APOOL: variants seen among roughly 807,000 people sequenced by gnomAD.
The protein encoded by APOOL is MICOS complex subunit MIC27.
APOOL carries 12 observed loss-of-function variants against 23.1 expected under a neutral mutation model. The observed-to-expected ratio is 0.52, with a 90% CI of 0.33 to 0.84. APOOL has a LOEUF of 0.84. APOOL is among the 40% of genes least tolerant of loss of function. The probability of loss-of-function intolerance (pLI) is 0.02; values close to 1 mark genes in which losing one functional copy is unlikely to be tolerated. For missense variants in APOOL, 212 were observed against 199.6 expected, an observed-to-expected ratio of 1.06 and a Z score of -0.37; for synonymous variants, 77 against 69.9, an observed-to-expected ratio of 1.10 and a Z score of -0.51.
At chrX:85,008,426 G>A in intron 1 of APOOL, among the ~76,000 whole-genome samples, 1 of 111,344 alleles carries the variant, frequency 9.0e-6, no homozygotes, top group Admixed American at 9.6e-5. Flanking sequence ...CAGGCAGTTT[G>A]TCTTTCTCTG....
At chrX:85,044,280 A>G (rs1190809450) in intron 1 of APOOL, among the ~76,000 whole-genome samples, 1 of 109,402 alleles carries the variant, frequency 9.1e-6, no homozygotes, top group Non-Finnish European at 1.9e-5. Context: ...GTATATATAT[A>G]TATATGTATT....
intron 1 of APOOL, among the ~76,000 whole-genome samples, chrX:85,034,049 AG>A (rs1922131560): frequency 1.8e-5 from 2 of 111,254 alleles, no homozygotes; most frequent in East Asian, 2.8e-4. Context: ...TGGATGTTCC[AG>A]GACAGGTTTT....
At chrX:85,008,013 A>G (rs67248496) in intron 1 of APOOL, among the ~76,000 whole-genome samples, 4,983 of 111,655 alleles carry the variant, frequency 0.045, 244 homozygotes, top group African/African-American at 0.15. Flanking sequence ...TGCTGAATTT[A>G]TGATTTTAGC....
In APOOL at chrX:85,088,975, A is replaced by G. The variant is rs1204731128; in HGVS notation, c.*1297A>G. Reference sequence around the variant, plus strand: ...TTAACTTGGCCTCTTCCCTTGAACTATTTTTTCTCTCTCCTTCCTATAATT... The same window carrying G: ...TTAACTTGGCCTCTTCCCTTGAACTGTTTTTTCTCTCTCCTTCCTATAATT... On this transcript the variant is annotated 3_prime_UTR_variant, in exon 9 of 9. Transcript: ENST00000373173. The G allele has an allele frequency of 9.0e-6, 1 of 111,408 alleles. No homozygotes were observed. Among genetic ancestry groups the G allele is most frequent in the African/African-American group, 3.3e-5 (1 of 30,589 alleles). The allele number at this position is 111,408 out of a possible 1,213,427, so 9.2% of individuals were successfully genotyped here.
intron 8 of APOOL, among the ~76,000 whole-genome samples, chrX:85,082,321 T>C (rs1358200179): frequency 2.7e-5 from 3 of 111,686 alleles, no homozygotes; most frequent in Non-Finnish European, 5.6e-5. Flanking sequence ...CCTTTCTGTT[T>C]GTTAGTTTTC....
At chrX:85,083,610 C>G (rs923244352) in intron 8 of APOOL, among the ~76,000 whole-genome samples, 10 of 111,688 alleles carry the variant, frequency 9.0e-5, no homozygotes, top group African/African-American at 2.9e-4. Context: ...TTTATAGTGA[C>G]TAGTGTCTTT....
chrX:85,069,067 T>C (rs865920183), intron 6 of APOOL, among the ~76,000 whole-genome samples: 24 of 112,159 alleles, frequency 2.1e-4, no homozygotes, highest in African/African-American at 7.4e-4. Context: ...GAGATTAATT[T>C]TTAAATGTTC....
intron 1 of APOOL, among the ~76,000 whole-genome samples, chrX:85,022,631 C>T (rs1356872995): frequency 5.5e-5 from 3 of 55,024 alleles, no homozygotes; most frequent in African/African-American, 1.8e-4. Flanking sequence ...TAACATCATA[C>T]TCAATGGTGA....
intron 1 of APOOL, among the ~76,000 whole-genome samples, chrX:85,042,573 G>C (rs1346297906): frequency 2.7e-5 from 3 of 111,589 alleles, no homozygotes; most frequent in Non-Finnish European, 5.7e-5. Context: ...AGAGAAGAGG[G>C]GAATACTTCC....
chrX:85,005,018 C>G (rs963856180), intron 1 of APOOL, among the ~76,000 whole-genome samples: 2 of 111,302 alleles, frequency 1.8e-5, no homozygotes, highest in Non-Finnish European at 3.8e-5. Context: ...TTTTCCCATG[C>G]TTATCTAGTT....
chrX:85,082,715 G>A (rs1438092728), intron 8 of APOOL, among the ~76,000 whole-genome samples: 1 of 112,034 alleles, frequency 8.9e-6, no homozygotes, highest in Non-Finnish European at 1.9e-5. Flanking sequence ...CAATGGCAGA[G>A]TCGAGCACTT....
chrX:85,021,772 GA>G (rs1921672118), intron 1 of APOOL, among the ~76,000 whole-genome samples: 1 of 112,027 alleles, frequency 8.9e-6, no homozygotes, highest in Non-Finnish European at 1.9e-5. Context: ...ACAAATAAAT[GA>G]AATAGAAACC....
chrX:85,031,989 T>A, intron 1 of APOOL, among the ~76,000 whole-genome samples: 1 of 111,760 alleles, frequency 8.9e-6, no homozygotes, highest in East Asian at 2.8e-4. Flanking sequence ...ACCAGGGAGA[T>A]ACAGCCTAAT....
rs780290569 is a variant in APOOL at position 85,041,896 on chromosome X, G to A, written c.16-4550G>A. 8.1e-5 allele frequency among the ~76,000 whole-genome samples: 9 copies of A among 110,773 alleles called. No homozygotes were observed. The East Asian group carries it at 2.6e-3, about 32-fold the overall frequency. ...GTCTTGCACTTTTCTGCTCTCTGTG[G>A]GTCATGGTGCTCCCTTGATGAATTC... On this transcript the variant is annotated intron_variant, in intron 1 of 8. Transcript: ENST00000373173.
chrX:85,007,095 T>C (rs1921106661), intron 1 of APOOL, among the ~76,000 whole-genome samples: 1 of 111,669 alleles, frequency 9.0e-6, no homozygotes, highest in African/African-American at 3.3e-5. Flanking sequence ...TGGAAGGTCA[T>C]CTGCTGAGAG....
intron 8 of APOOL, among the ~76,000 whole-genome samples, chrX:85,083,035 C>G (rs1310275197): frequency 4.5e-5 from 5 of 111,229 alleles, no homozygotes; most frequent in African/African-American, 9.8e-5. Context: ...CTGACTCTTA[C>G]TAAAATTAGA....
intron 3 of APOOL, among the ~76,000 whole-genome samples, chrX:85,051,929 G>A (rs1922795931): frequency 8.9e-6 from 1 of 111,887 alleles, no homozygotes; most frequent in Non-Finnish European, 1.9e-5. Flanking sequence ...GTTACAAGTG[G>A]CCCTAGGCAG....
intron 1 of APOOL, among the ~76,000 whole-genome samples, chrX:85,008,657 G>T (rs1921165148): frequency 9.1e-6 from 1 of 109,342 alleles, no homozygotes. Context: ...TGGCTGTTGT[G>T]AATAATACTG....
At chrX:85,014,560 T>A (rs771383201) in intron 1 of APOOL, among the ~76,000 whole-genome samples, 1 of 55,638 alleles carries the variant, frequency 1.8e-5, no homozygotes, top group South Asian at 1.7e-3. Context: ...AACGACTTTA[T>A]CTCTCCTTTA....
Sources: gnomAD v4.1 joint callset for allele counts (sites outside exome capture counted in the v4.1 genomes callset) on GRCh38, gnomAD v4.1.1 for gene constraint, MANE v1.5 for transcripts, NCBI Gene and HGNC (gene_info 2026-07-23, HGNC 2026-07-21) for gene names.